Variants in HAO1 observed in about 807,000 individuals in gnomAD.
HAO1 encodes the protein 2-Hydroxyacid oxidase 1.
A neutral mutation model predicts 39.7 loss-of-function variants in HAO1; 34 were observed. The observed-to-expected ratio is 0.86, with a 90% CI of 0.65 to 1.14. The LOEUF is 1.14. Among genes scored for constraint, HAO1 ranks in the 50% most tolerant of loss-of-function variants. The pLI is 0.00. For synonymous variants in HAO1, 172 were observed against 173.2 expected (o/e 0.99, Z 0.05); for missense variants, 479 against 464.5 (o/e 1.03, Z -0.29).
At position 7,885,541 on chromosome 20, in the gene HAO1, C is replaced by T. The variant is rs138358725; in HGVS notation, c.1022G>A (p.Arg341Gln). ...CTTACCACTCAGAGCCATGGCCAAC[C>T]GGAATTCTTCCTTTAGTATCTCGAG... ...DVLEILKEEF[R>Q]LAMALSGCQN... The change falls in exon 7 of 8, where the codon CGG (arginine) becomes CAG (glutamine). Residue 341 changes from arginine to glutamine, a missense_variant. Coordinates refer to ENST00000378789, the MANE Select transcript of HAO1 (RefSeq NM_017545.3). The T allele has an allele frequency of 8.1e-6, 13 of 1,611,148 alleles. No homozygotes were observed. The highest frequency in any genetic ancestry group is 5.5e-5 in the South Asian group (5 of 91,020).
chr20:7,908,197 C>T (rs1299547957), intron 3 of HAO1, among the ~76,000 whole-genome samples: 1 of 152,012 alleles, frequency 6.6e-6, no homozygotes, highest in African/African-American at 2.4e-5. Context: ...CAAGACCAGT[C>T]TGGCCAGCAT....
intron 2 of HAO1, among the ~76,000 whole-genome samples, chr20:7,933,669 ATAT>A (rs1482594076): frequency 1.3e-5 from 2 of 152,218 alleles, no homozygotes; most frequent in African/African-American, 4.8e-5. Flanking sequence ...ATGTTTTAAA[ATAT>A]TATATAGTCG....
intron 3 of HAO1, 105 bp downstream of exon 3, chr20:7,914,059 A>G: frequency 8.2e-7 from 1 of 1,218,470 alleles, no homozygotes; most frequent in South Asian, 1.4e-5. Context: ...TTAGCTGAAG[A>G]TTAACTAGAT....
At chr20:7,906,961 C>T (rs114516571) in intron 3 of HAO1, among the ~76,000 whole-genome samples, 1,532 of 152,316 alleles carry the variant, frequency 0.01, 26 homozygotes, top group African/African-American at 0.033. Context: ...TGCACCTGAC[C>T]TCAGGAAACC....
At chr20:7,937,359 C>T (rs2050417653) in intron 1 of HAO1, among the ~76,000 whole-genome samples, 1 of 151,948 alleles carries the variant, frequency 6.6e-6, no homozygotes, top group African/African-American at 2.4e-5. Context: ...TAATTTTTTA[C>T]TCTAAACAGT....
chr20:7,914,448 G>T (rs1191334914), intron 2 of HAO1, 29 bp from the exon 3 acceptor site: 4 of 1,607,286 alleles, frequency 2.5e-6, no homozygotes, highest in Non-Finnish European at 3.4e-6. Flanking sequence ...GATCAAGATG[G>T]GCCTGGCATT....
chr20:7,893,900 T>C (rs765879051), intron 5 of HAO1, among the ~76,000 whole-genome samples: 3 of 152,074 alleles, frequency 2.0e-5, no homozygotes, highest in Non-Finnish European at 1.5e-5. Context: ...GGAGAAACGG[T>C]TGGGCAGTTA....
chr20:7,886,879 C>T (rs2050153516), intron 5 of HAO1, among the ~76,000 whole-genome samples: 1 of 152,094 alleles, frequency 6.6e-6, no homozygotes, highest in African/African-American at 2.4e-5. Context: ...TTTTTTGCAC[C>T]TTGTCATTTG....
intron 5 of HAO1, 59 bp from the exon 6 acceptor site, chr20:7,885,923 C>T (rs1485911745): frequency 2.8e-6 from 4 of 1,453,912 alleles, no homozygotes; most frequent in Non-Finnish European, 3.8e-6. Flanking sequence ...TATTCAACTC[C>T]ACCTCCAAAA....
chr20:7,886,507 C>T (rs1470294218), intron 5 of HAO1, among the ~76,000 whole-genome samples: 1 of 152,110 alleles, frequency 6.6e-6, no homozygotes, highest in Non-Finnish European at 1.5e-5. Context: ...GAACATTACT[C>T]ATTGCAAGTC....
chr20:7,908,974 A>G (rs1359575904), intron 3 of HAO1, among the ~76,000 whole-genome samples: 1 of 152,134 alleles, frequency 6.6e-6, no homozygotes, highest in Non-Finnish European at 1.5e-5. Context: ...TGTCTATCCC[A>G]TAGCAAGACC....
chr20:7,923,923 A>G (rs1276013047), intron 2 of HAO1, among the ~76,000 whole-genome samples: 2 of 152,134 alleles, frequency 1.3e-5, no homozygotes, highest in Non-Finnish European at 2.9e-5. Context: ...GTTGGGGCTC[A>G]TTGAAAACGG....
At chr20:7,912,325 G>A (rs557945066) in intron 3 of HAO1, among the ~76,000 whole-genome samples, 38 of 152,142 alleles carry the variant, frequency 2.5e-4, no homozygotes, top group Non-Finnish European at 5.4e-4. Context: ...TAACAACTGT[G>A]TCATCTGCAC....
intron 2 of HAO1, among the ~76,000 whole-genome samples, chr20:7,918,641 C>T (rs910343856): frequency 6.6e-6 from 1 of 152,146 alleles, no homozygotes; most frequent in Admixed American, 6.6e-5. Context: ...CCTGTTAGAG[C>T]GCTAGAGACC....
chr20:7,907,633 G>A (rs568815872), intron 3 of HAO1, among the ~76,000 whole-genome samples: 7 of 152,196 alleles, frequency 4.6e-5, no homozygotes, highest in East Asian at 1.9e-4. Flanking sequence ...CTTCCTTCCC[G>A]TATGACTATT....
intron 3 of HAO1, among the ~76,000 whole-genome samples, chr20:7,909,383 A>ATATATATATATATATATG (rs2050266228): frequency 1.2e-4 from 15 of 124,784 alleles, no homozygotes; most frequent in East Asian, 5.4e-4. Flanking sequence ...ATATATGTAT[A>ATATATATATATATATATG]TATATATATA....
intron 2 of HAO1, among the ~76,000 whole-genome samples, chr20:7,925,096 A>G (rs1262722445): frequency 6.6e-6 from 1 of 152,180 alleles, no homozygotes; most frequent in East Asian, 1.9e-4. Flanking sequence ...CATCACATAG[A>G]CGCAGTCAAC....
chr20:7,915,348 A>G (rs1237783644), intron 2 of HAO1, among the ~76,000 whole-genome samples: 3 of 152,060 alleles, frequency 2.0e-5, no homozygotes, highest in African/African-American at 7.2e-5. Flanking sequence ...AAGGAGAATA[A>G]GAAGAAGGGG....
intron 3 of HAO1, among the ~76,000 whole-genome samples, chr20:7,909,075 G>A (rs1018103665): frequency 1.3e-5 from 2 of 152,018 alleles, no homozygotes; most frequent in African/African-American, 4.8e-5. Context: ...TTCAGCAGGG[G>A]TGGGGTGAAA....
Sources: allele counts gnomAD v4.1 joint callset (sites outside exome capture counted in the v4.1 genomes callset), GRCh38; gene constraint gnomAD v4.1.1; transcripts MANE v1.5; gene names NCBI Gene and HGNC (gene_info 2026-07-23, HGNC 2026-07-21).